COL4A2: variants seen among roughly 807,000 people sequenced by gnomAD.
COL4A2 encodes collagen type IV alpha 2 chain.
COL4A2 carries 99 observed loss-of-function variants against 200.2 expected under a neutral mutation model. The observed-to-expected ratio is 0.49, with a 90% confidence interval of 0.42 to 0.58. COL4A2 has a LOEUF of 0.58. Among genes scored for constraint, COL4A2 ranks in the 20% least tolerant of loss-of-function variants. The pLI, the probability that COL4A2 is intolerant of heterozygous loss-of-function variation, is 0.00. For synonymous variants in COL4A2, 897 were observed against 900.6 expected (o/e 1.00, Z 0.07); for missense variants, 1,950 against 2,314.1 (o/e 0.84, Z 3.23).
At chr13:110,329,667 C>G (rs542847280) in intron 3 of COL4A2, among the ~76,000 whole-genome samples, 1 of 152,342 alleles carries the variant, frequency 6.6e-6, no homozygotes, top group East Asian at 1.9e-4. Flanking sequence ...TTGTGAAGAG[C>G]TGGTGCTGGA....
At chr13:110,330,499 G>A (rs889422512) in intron 3 of COL4A2, among the ~76,000 whole-genome samples, 5 of 152,150 alleles carry the variant, frequency 3.3e-5, no homozygotes, top group Non-Finnish European at 7.4e-5. Context: ...CTCCCCATCT[G>A]CCTGTTCACA....
intron 47 of COL4A2, among the ~76,000 whole-genome samples, chr13:110,509,665 C>T (rs1036484015): frequency 2.0e-5 from 3 of 152,146 alleles, no homozygotes. Flanking sequence ...CCAGAAAGGT[C>T]AGGCATCCCC....
chr13:110,331,222 CA>C (rs1466306679), intron 3 of COL4A2, among the ~76,000 whole-genome samples: 1 of 152,162 alleles, frequency 6.6e-6, no homozygotes, highest in Non-Finnish European at 1.5e-5. Flanking sequence ...CAGAGAAAGT[CA>C]TATATTACAG....
chr13:110,482,676 A>G lies in COL4A2; in HGVS notation c.2902+17A>G. On this transcript the variant is annotated intron_variant, in intron 32 of 47. Transcript: ENST00000360467. Reference sequence around the variant, plus strand: ...GTTTTAAAGGTATGTCCCTCTCTTAACATCCTCCTTACCTGGTCATGGTGG... The same window carrying G: ...GTTTTAAAGGTATGTCCCTCTCTTAGCATCCTCCTTACCTGGTCATGGTGG... The G allele has an allele frequency of 1.2e-6, 2 of 1,611,158 alleles. No individual in the cohort carries two copies. Among genetic ancestry groups the G allele is most frequent in the Non-Finnish European group, 1.7e-6 (2 of 1,177,918 alleles).
chr13:110,333,711 CCTCTGCGAGTCTGAA>C (rs1876036190), intron 3 of COL4A2, among the ~76,000 whole-genome samples: 2 of 152,200 alleles, frequency 1.3e-5, no homozygotes, highest in African/African-American at 4.8e-5. Flanking sequence ...ACAGCCACTG[CCTCTGCGAGTCTGAA>C]CTCGTTGCCA....
chr13:110,403,317 T>C (rs1236132408), intron 4 of COL4A2, among the ~76,000 whole-genome samples: 3 of 152,364 alleles, frequency 2.0e-5, no homozygotes, highest in Non-Finnish European at 4.4e-5. Context: ...CACTTTACTA[T>C]AGGCAGTCAA....
chr13:110,476,477 G>T (rs1368844679), intron 29 of COL4A2, among the ~76,000 whole-genome samples: 1 of 152,228 alleles, frequency 6.6e-6, no homozygotes, highest in Admixed American at 6.5e-5. Context: ...GCAGGTTGAC[G>T]TGGTCAGACA....
At chr13:110,377,704 T>A (rs1309024367) in intron 4 of COL4A2, among the ~76,000 whole-genome samples, 1 of 152,240 alleles carries the variant, frequency 6.6e-6, no homozygotes, top group Non-Finnish European at 1.5e-5. Context: ...GGGAAATTCA[T>A]TATGTTGAGC....
chr13:110,478,014 A>G lies in COL4A2; in HGVS notation c.2437A>G (p.Met813Val). 1 of 1,568,174 alleles carries G rather than the reference A, an allele frequency of 6.4e-7. No individual in the cohort carries two copies. Among genetic ancestry groups the G allele is most frequent in the Non-Finnish European group, 8.7e-7 (1 of 1,154,388 alleles). ...GPPGFRGSQGMPGMPGLKGQP... is the reference protein window; with the variant it reads ...GPPGFRGSQGVPGMPGLKGQP... Reference sequence around the variant, plus strand: ...TCTGATTCCTGCAGGAAGCCAAGGGATGCCTGGGATGCCAGGGCTGAAGGG... The same window carrying G: ...TCTGATTCCTGCAGGAAGCCAAGGGGTGCCTGGGATGCCAGGGCTGAAGGG... The change falls in exon 30 of 48, where the codon ATG becomes GTG. Residue 813 changes from methionine to valine, a missense_variant. Met to Val is a conservative substitution (Grantham distance 21). This residue lies in a region of COL4A2 where 1,385 missense variants were observed against 1,720.5 expected (regional missense o/e 0.80). Transcript: ENST00000360467.
At chr13:110,329,424 G>A (rs1010349789) in intron 3 of COL4A2, among the ~76,000 whole-genome samples, 1 of 151,344 alleles carries the variant, frequency 6.6e-6, no homozygotes, top group African/African-American at 2.5e-5. Flanking sequence ...CCCTGCAGGG[G>A]AAGGCGTCTA....
intron 4 of COL4A2, among the ~76,000 whole-genome samples, chr13:110,403,344 C>T (rs569605154): frequency 1.3e-5 from 2 of 152,332 alleles, no homozygotes; most frequent in African/African-American, 2.4e-5. Context: ...TCATGCCACA[C>T]CTTCACTTTG....
At chr13:110,381,409 A>G (rs565534982) in intron 4 of COL4A2, among the ~76,000 whole-genome samples, 1 of 152,380 alleles carries the variant, frequency 6.6e-6, no homozygotes. Flanking sequence ...TCTTTAGGAA[A>G]AAAATGATTC....
intron 30 of COL4A2, among the ~76,000 whole-genome samples, chr13:110,479,125 T>G (rs952224415): frequency 6.6e-6 from 1 of 152,182 alleles, no homozygotes; most frequent in African/African-American, 2.4e-5. Context: ...AGGTTCAGGC[T>G]CCTATCTCAG....
intron 3 of COL4A2, among the ~76,000 whole-genome samples, chr13:110,309,374 A>G (rs1029396432): frequency 1.3e-5 from 2 of 152,188 alleles, no homozygotes; most frequent in African/African-American, 2.4e-5. Flanking sequence ...ATCAGAACCT[A>G]GATATTTGAA....
chr13:110,434,036 G>A (rs548253215), intron 11 of COL4A2, among the ~76,000 whole-genome samples: 21 of 152,262 alleles, frequency 1.4e-4, no homozygotes, highest in African/African-American at 4.8e-4. Context: ...AAGAAAAGAC[G>A]AATCATGATC....
chr13:110,440,402 A>T (rs919069377), intron 16 of COL4A2, among the ~76,000 whole-genome samples: 1 of 152,152 alleles, frequency 6.6e-6, no homozygotes, highest in African/African-American at 2.4e-5. Context: ...GTATGAGGCC[A>T]GCCTGACCAA....
intron 3 of COL4A2, among the ~76,000 whole-genome samples, chr13:110,342,657 G>A (rs1876510104): frequency 6.6e-6 from 1 of 152,148 alleles, no homozygotes; most frequent in African/African-American, 2.4e-5. Context: ...TGAGGACCCT[G>A]CAGGGCATGT....
intron 22 of COL4A2, among the ~76,000 whole-genome samples, chr13:110,461,490 C>T (rs565786479): frequency 6.6e-6 from 1 of 152,370 alleles, no homozygotes; most frequent in Admixed American, 6.5e-5. Flanking sequence ...CCACCTGTGG[C>T]TACTTCCACT....
At chr13:110,479,463 GAATT>G (rs1555331861) in intron 30 of COL4A2, among the ~76,000 whole-genome samples, 4 of 152,126 alleles carry the variant, frequency 2.6e-5, no homozygotes, top group South Asian at 2.1e-4. Flanking sequence ...AGCAGAGGCA[GAATT>G]GCCCAGGGAA....
Sources: gnomAD v4.1 joint callset for allele counts (sites outside exome capture counted in the v4.1 genomes callset) on GRCh38, gnomAD v4.1.1 for gene constraint, gnomAD v4.1.1 regional missense constraint, MANE v1.5 for transcripts, NCBI Gene and HGNC (gene_info 2026-07-23, HGNC 2026-07-21) for gene names.